GNA12: variants seen among roughly 807,000 people sequenced by gnomAD.
The protein encoded by GNA12 is G protein subunit alpha 12, also known as guanine nucleotide-binding protein subunit alpha-12.
Under a neutral mutation model 26.0 loss-of-function variants are expected in GNA12, and 9 were observed. That is an observed-to-expected ratio of 0.35 (90% confidence interval 0.21 to 0.60). The LOEUF (loss-of-function observed/expected upper bound fraction) is 0.60. Ranked by LOEUF, GNA12 falls within the 20% of genes least tolerant of loss-of-function variation. The pLI, the probability that GNA12 is intolerant of heterozygous loss-of-function variation, is 0.78. For synonymous variants in GNA12, 264 were observed against 219.6 expected (o/e 1.20, Z -1.79); for missense variants, 405 against 525.8 (o/e 0.77, Z 2.25).
chr7:2,760,097 G>A (rs1481592570), intron 2 of GNA12, among the ~76,000 whole-genome samples: 1 of 152,266 alleles, frequency 6.6e-6, no homozygotes, highest in African/African-American at 2.4e-5. Context: ...CAAGGCCTCT[G>A]TTGGCAATGT....
intron 2 of GNA12, among the ~76,000 whole-genome samples, chr7:2,786,021 C>A (rs969571343): frequency 4.6e-5 from 7 of 152,170 alleles, no homozygotes; most frequent in African/African-American, 1.7e-4. Flanking sequence ...GAGCTGAGAT[C>A]GCACCACTGC....
intron 2 of GNA12, among the ~76,000 whole-genome samples, chr7:2,735,572 C>T (rs1790128135): frequency 6.6e-6 from 1 of 152,192 alleles, no homozygotes; most frequent in Non-Finnish European, 1.5e-5. Context: ...CGGTGTGAGT[C>T]TAAACACCCC....
chr7:2,787,729 G>C (rs1455615721), intron 2 of GNA12, among the ~76,000 whole-genome samples: 4 of 152,240 alleles, frequency 2.6e-5, no homozygotes, highest in African/African-American at 9.6e-5. Flanking sequence ...GAGAGGCCGG[G>C]GGTAAGTGTC....
At chr7:2,828,456 C>A (rs952144290) in intron 1 of GNA12, among the ~76,000 whole-genome samples, 1 of 152,166 alleles carries the variant, frequency 6.6e-6, no homozygotes, top group Non-Finnish European at 1.5e-5. Flanking sequence ...TGTGCTCAAG[C>A]GATCCTCCTG....
chr7:2,772,487 G>A (rs1048030784), intron 2 of GNA12, among the ~76,000 whole-genome samples: 5 of 151,904 alleles, frequency 3.3e-5, no homozygotes, highest in Admixed American at 2.6e-4. Context: ...GTGAACCCAG[G>A]AGGCGGAGCT....
At chr7:2,818,006 G>C (rs992081904) in intron 1 of GNA12, among the ~76,000 whole-genome samples, 10 of 152,100 alleles carry the variant, frequency 6.6e-5, no homozygotes, top group Non-Finnish European at 1.0e-4. Context: ...AAAAGTACTA[G>C]CACACTGTAA....
chr7:2,746,828 A>G (rs1187487172), intron 2 of GNA12, among the ~76,000 whole-genome samples: 1 of 152,198 alleles, frequency 6.6e-6, no homozygotes, highest in African/African-American at 2.4e-5. Context: ...AAAAAATGAT[A>G]AAGGGGATAT....
chr7:2,755,298 T>G (rs552351099), intron 2 of GNA12, among the ~76,000 whole-genome samples: 1 of 152,356 alleles, frequency 6.6e-6, no homozygotes, highest in East Asian at 1.9e-4. Flanking sequence ...CAAAAGATCT[T>G]GCTGCGATTT....
chr7:2,746,279 C>T (rs1442489636), intron 2 of GNA12, among the ~76,000 whole-genome samples: 1 of 152,162 alleles, frequency 6.6e-6, no homozygotes, highest in Non-Finnish European at 1.5e-5. Flanking sequence ...GGAAGTAAAG[C>T]ACTCCTCAGC....
At chr7:2,737,599 G>C (rs932223483) in intron 2 of GNA12, among the ~76,000 whole-genome samples, 2 of 152,110 alleles carry the variant, frequency 1.3e-5, no homozygotes, top group Non-Finnish European at 1.5e-5. Flanking sequence ...CTGTCTTACA[G>C]TTTCTGCACT....
rs539799336 is a variant in GNA12, at chr7:2,829,049, G to A, written c.309+14804C>T. ...GATCACATCACTGCACTCCAGCCTC[G>A]GCGACAGAGCCAGACCCTGTCTCAG... is the stretch of plus-strand genomic sequence containing the variant. On this transcript the variant is annotated intron_variant, in intron 1 of 3. Coordinates refer to ENST00000275364, the MANE Select transcript of GNA12 (RefSeq NM_007353.3). 1.9e-4 allele frequency among the ~76,000 whole-genome samples: 29 copies of A among 151,052 alleles called. No individual in the cohort carries two copies. The South Asian group carries it at 4.8e-3, about 25-fold the overall frequency.
At chr7:2,827,599 T>G (rs1793514053) in intron 1 of GNA12, among the ~76,000 whole-genome samples, 1 of 152,092 alleles carries the variant, frequency 6.6e-6, no homozygotes, top group South Asian at 2.1e-4. Context: ...ACAGTGGGGC[T>G]GGGCTGGTCC....
At position 2,731,062 on chromosome 7, in the gene GNA12, T is replaced by C. The variant is rs956876526; in HGVS notation, c.*119A>G. 1.5e-6 allele frequency: 1 copy of C among 655,132 alleles called. No homozygotes were observed. The highest frequency in any genetic ancestry group is 2.6e-6 in the Non-Finnish European group (1 of 383,364). 40.6% of individuals were successfully genotyped at this position (655,132 alleles called of 1,614,324 possible). ...GGTCTGACAGCATTCCTGAGCCAGGTATTCCAGGGCACGGATCCGAGAAAC... is the reference window on the plus strand; with the variant it reads ...GGTCTGACAGCATTCCTGAGCCAGGCATTCCAGGGCACGGATCCGAGAAAC... On this transcript the variant is annotated 3_prime_UTR_variant, in exon 4 of 4. Transcript: ENST00000275364. This position sits in a 1 kb window ranked among gnomAD's most constrained non-coding sequence, Gnocchi z 6.0.
At chr7:2,795,203 G>A in intron 1 of GNA12, 60 bp from the exon 2 acceptor site, 1 of 1,292,002 alleles carries the variant, frequency 7.7e-7, no homozygotes, top group Non-Finnish European at 1.1e-6. Context: ...AACCACGCTA[G>A]AGAAGCTCAA....
chr7:2,759,249 A>G (rs1010729913), intron 2 of GNA12, among the ~76,000 whole-genome samples: 2 of 152,208 alleles, frequency 1.3e-5, no homozygotes, highest in African/African-American at 4.8e-5. Flanking sequence ...AATAAGTCAT[A>G]AAATGGTTAT....
intron 2 of GNA12, among the ~76,000 whole-genome samples, chr7:2,743,581 C>G (rs1007787188): frequency 1.3e-5 from 2 of 152,190 alleles, no homozygotes; most frequent in Admixed American, 6.5e-5. Flanking sequence ...CGAATAGGAA[C>G]AGCTCCGGTC....
intron 1 of GNA12, among the ~76,000 whole-genome samples, chr7:2,825,634 T>A (rs1322957284): frequency 5.9e-5 from 9 of 152,066 alleles, no homozygotes; most frequent in Non-Finnish European, 2.9e-5. Context: ...ATCGAGCTGA[T>A]GGGAGGCTGA....
intron 1 of GNA12, among the ~76,000 whole-genome samples, chr7:2,813,773 A>C (rs1250140212): frequency 2.0e-5 from 3 of 152,158 alleles, no homozygotes; most frequent in Admixed American, 2.0e-4. Flanking sequence ...CCTTGTCCAG[A>C]AGGTGTGGAC....
At chr7:2,787,522 G>T (rs1277214725) in intron 2 of GNA12, among the ~76,000 whole-genome samples, 1 of 152,168 alleles carries the variant, frequency 6.6e-6, no homozygotes, top group South Asian at 2.1e-4. Flanking sequence ...CATTCTTCCA[G>T]CTACAACACT....
Sources: allele counts gnomAD v4.1 joint callset (sites outside exome capture counted in the v4.1 genomes callset), GRCh38; gene constraint gnomAD v4.1.1; non-coding constraint Gnocchi (gnomAD v3.1); transcripts MANE v1.5; gene names NCBI Gene and HGNC (gene_info 2026-07-23, HGNC 2026-07-21).